Variants in CDC14B observed in about 807,000 individuals in gnomAD.
CDC14B encodes the protein dual specificity protein phosphatase CDC14B.
In CDC14B, 22 loss-of-function variants were observed where a neutral mutation model predicts 64.2. The observed-to-expected ratio is 0.34, with a 90% CI of 0.24 to 0.49. The LOEUF (loss-of-function observed/expected upper bound fraction) is 0.49, where lower values mean the gene tolerates loss of function less well. CDC14B is among the 20% of genes least tolerant of loss of function. CDC14B has a pLI of 0.99. For synonymous variants in CDC14B, 191 were observed against 215.8 expected, an observed-to-expected ratio of 0.89 and a Z score of 1.01; for missense variants, 498 against 629.9, an observed-to-expected ratio of 0.79 and a Z score of 2.24.
In CDC14B at chr9:96,590,549, C is replaced by T. The variant is rs141913861; in HGVS notation, c.161-25066G>A. ...GATCAATTTTTAGTTTTCTGAGGAA[C>T]CTCTATACTATTTTCCATAGCAACT... On this transcript the variant is annotated intron_variant, in intron 1 of 13. Transcript: ENST00000375241. 3.4e-4 allele frequency among the ~76,000 whole-genome samples: 51 copies of T among 152,190 alleles called. 1 individual carries two copies. The highest frequency in any genetic ancestry group is 1.1e-3 in the African/African-American group (47 of 41,522).
intron 5 of CDC14B, among the ~76,000 whole-genome samples, chr9:96,546,320 C>T (rs1249998815): frequency 6.6e-6 from 1 of 151,924 alleles, no homozygotes; most frequent in African/African-American, 2.4e-5. Context: ...AAATGCATAC[C>T]AGTAATATCA....
intron 1 of CDC14B, among the ~76,000 whole-genome samples, chr9:96,583,877 C>T (rs1428549141): frequency 6.6e-6 from 1 of 152,120 alleles, no homozygotes; most frequent in Non-Finnish European, 1.5e-5. Context: ...TACCACCATG[C>T]CCAGCTAATT....
chr9:96,565,293 A>C lies in CDC14B; in HGVS notation c.251+100T>G. 2.9e-6 allele frequency: 2 copies of C among 701,012 alleles called. 1 individual carries two copies. 43.4% of individuals were successfully genotyped at this position (701,012 alleles called of 1,614,324 possible). A position where few individuals can be genotyped will look rare whatever the true frequency, so the allele number is the denominator to read the frequency against. On this transcript the variant is annotated intron_variant, in intron 2 of 13. Transcript: ENST00000375241. ...AAAAACAAGCATCCTGTAATTAGCA[A>C]TCAATAGATTTATAATTTTCCCAGG... is the stretch of plus-strand genomic sequence containing the variant.
intron 12 of CDC14B, among the ~76,000 whole-genome samples, chr9:96,512,673 TCTG>T: frequency 6.6e-6 from 1 of 152,350 alleles, no homozygotes; most frequent in South Asian, 2.1e-4. Flanking sequence ...TTTATTCATC[TCTG>T]CTAAGAATTT....
chr9:96,509,962 A>C (rs528494834), intron 12 of CDC14B, among the ~76,000 whole-genome samples, 173 bp from the exon 13 acceptor site: 1 of 152,358 alleles, frequency 6.6e-6, no homozygotes, highest in South Asian at 2.1e-4. Context: ...AGGCCTTTTA[A>C]AATGAAGCAT....
chr9:96,608,023 T>A (rs952004245), intron 1 of CDC14B, among the ~76,000 whole-genome samples: 1 of 152,214 alleles, frequency 6.6e-6, no homozygotes, highest in Admixed American at 6.5e-5. Context: ...ACACATCTTG[T>A]TTGACTCTCT....
At position 96,618,488 on chromosome 9, in the gene CDC14B, T is replaced by C. The variant is rs769773752; in HGVS notation, c.160+731A>G. Reference sequence around the variant, plus strand: ...ACAGAACAGCTATCGAAGGGCTGCTTGGCTACCTGCTCTGGCTGGCTGGGA... The same window carrying C: ...ACAGAACAGCTATCGAAGGGCTGCTCGGCTACCTGCTCTGGCTGGCTGGGA... On this transcript the variant is annotated intron_variant, in intron 1 of 13. Transcript: ENST00000375241. 7.5e-6 allele frequency: 4 copies of C among 533,290 alleles called. No homozygotes were observed. In the African/African-American group the frequency reaches 7.7e-5, roughly 10 times the overall value. The allele number at this position is 533,290 out of a possible 1,614,324, so 33.0% of individuals were successfully genotyped here. A position where few individuals can be genotyped will look rare whatever the true frequency, so the allele number is the denominator to read the frequency against.
intron 12 of CDC14B, among the ~76,000 whole-genome samples, chr9:96,520,021 G>C (rs1251347899): frequency 6.6e-6 from 1 of 152,184 alleles, no homozygotes; most frequent in African/African-American, 2.4e-5. Flanking sequence ...ATAGACACAA[G>C]AGGGAAAGAA....
chr9:96,588,864 T>C (rs987158916), intron 1 of CDC14B, among the ~76,000 whole-genome samples: 1 of 152,220 alleles, frequency 6.6e-6, no homozygotes, highest in Admixed American at 6.5e-5. Flanking sequence ...TTAATGTCAA[T>C]ACTGAATTAT....
intron 1 of CDC14B, among the ~76,000 whole-genome samples, chr9:96,574,097 A>G (rs1350911068): frequency 1.3e-5 from 2 of 151,898 alleles, no homozygotes; most frequent in Non-Finnish European, 2.9e-5. Context: ...CAGTACGCCG[A>G]GATCGCACCA....
At chr9:96,618,891 A>C (rs1847808397) in intron 1 of CDC14B, 2 of 332,000 alleles carry the variant, frequency 6.0e-6, no homozygotes, top group Admixed American at 9.9e-5. Context: ...ACTCAGAAGC[A>C]GCCCGCGGGG....
At chr9:96,546,600 C>T (rs1400004500) in intron 5 of CDC14B, among the ~76,000 whole-genome samples, 1 of 152,058 alleles carries the variant, frequency 6.6e-6, no homozygotes, top group African/African-American at 2.4e-5. Context: ...CAGGTGTGCA[C>T]CACCATGCCC....
intron 13 of CDC14B, among the ~76,000 whole-genome samples, chr9:96,509,147 G>A (rs1834574649): frequency 6.6e-6 from 1 of 152,154 alleles, no homozygotes; most frequent in African/African-American, 2.4e-5. Flanking sequence ...TCACCGACGT[G>A]GCCACAGAAC....
At chr9:96,566,364 T>C (rs1298961981) in intron 1 of CDC14B, among the ~76,000 whole-genome samples, 2 of 152,172 alleles carry the variant, frequency 1.3e-5, no homozygotes, top group African/African-American at 4.8e-5. Context: ...AACTATTTTT[T>C]TTTTTTTTTT....
At chr9:96,498,325 C>T (rs1833337232), downstream of CDC14B, among the ~76,000 whole-genome samples, 1 of 152,218 alleles carries the variant, frequency 6.6e-6, no homozygotes, top group African/African-American at 2.4e-5. Context: ...CTAAGTGAGG[C>T]TCGGCCAGCA....
intron 13 of CDC14B, among the ~76,000 whole-genome samples, chr9:96,494,805 T>TCGTCC (rs1833179885): frequency 4.1e-5 from 4 of 96,618 alleles, no homozygotes; most frequent in Non-Finnish European, 7.9e-5. Context: ...CTGTCCAGTC[T>TCGTCC]CGTCCCGTCC....
At chr9:96,615,774 C>T (rs1847589048) in intron 1 of CDC14B, among the ~76,000 whole-genome samples, 1 of 152,194 alleles carries the variant, frequency 6.6e-6, no homozygotes, top group Non-Finnish European at 1.5e-5. Context: ...CATGCAACAA[C>T]CTGTATATGA....
At chr9:96,543,941 G>A (rs1003662031) in intron 5 of CDC14B, among the ~76,000 whole-genome samples, 15 of 152,104 alleles carry the variant, frequency 9.9e-5, no homozygotes, top group South Asian at 2.1e-4. Context: ...TTTTGAGGCC[G>A]GGCGTGGTGG....
chr9:96,613,409 C>T (rs1847439813), intron 1 of CDC14B, among the ~76,000 whole-genome samples: 1 of 152,234 alleles, frequency 6.6e-6, no homozygotes, highest in Non-Finnish European at 1.5e-5. Context: ...TGGCAACTCC[C>T]TGGCATCAGT....
Sources: allele counts gnomAD v4.1 joint callset (sites outside exome capture counted in the v4.1 genomes callset), GRCh38; gene constraint gnomAD v4.1.1; transcripts MANE v1.5; gene names NCBI Gene and HGNC (gene_info 2026-07-23, HGNC 2026-07-21).